Variants in GPC6 observed in about 807,000 individuals in gnomAD.
The protein encoded by GPC6 is glypican-6.
A neutral mutation model predicts 55.2 loss-of-function variants in GPC6; 14 were observed. That is an observed-to-expected ratio of 0.25 (90% CI 0.17 to 0.40). The LOEUF is 0.40. Among genes scored for constraint, GPC6 ranks in the 10% least tolerant of loss-of-function variants. GPC6 has a pLI of 1.00. For synonymous variants in GPC6, 278 were observed against 259.6 expected (o/e 1.07, Z -0.68); for missense variants, 641 against 708.5 (o/e 0.90, Z 1.08).
intron 2 of GPC6, among the ~76,000 whole-genome samples, chr13:93,545,801 A>G (rs1372941575): frequency 6.6e-6 from 1 of 152,196 alleles, no homozygotes; most frequent in Admixed American, 6.5e-5. Flanking sequence ...TTGAAATATA[A>G]CATCACATTT....
intron 1 of GPC6, among the ~76,000 whole-genome samples, chr13:93,333,013 A>T (rs937316143): frequency 5.9e-5 from 9 of 152,226 alleles, no homozygotes; most frequent in African/African-American, 1.9e-4. Flanking sequence ...TTGGCTGTAA[A>T]TGTGTGGATT....
chr13:93,365,011 T>C (rs534264073), intron 1 of GPC6, among the ~76,000 whole-genome samples: 98 of 152,204 alleles, frequency 6.4e-4, no homozygotes, highest in African/African-American at 2.4e-3. Flanking sequence ...CATGTTCTTC[T>C]TTTTCTACAT....
intron 2 of GPC6, among the ~76,000 whole-genome samples, chr13:93,687,261 C>T: frequency 6.6e-6 from 1 of 152,122 alleles, no homozygotes; most frequent in East Asian, 1.9e-4. Context: ...CTGTCCCCCT[C>T]ATCTCTGAAG....
intron 5 of GPC6, among the ~76,000 whole-genome samples, chr13:94,292,936 A>G (rs1475697564): frequency 1.3e-5 from 2 of 152,240 alleles, no homozygotes; most frequent in Non-Finnish European, 2.9e-5. Flanking sequence ...TCCAAAAAAT[A>G]TATTGGCTAT....
intron 1 of GPC6, among the ~76,000 whole-genome samples, chr13:93,304,898 G>T (rs992907955): frequency 2.0e-5 from 3 of 152,132 alleles, no homozygotes; most frequent in African/African-American, 4.8e-5. Context: ...AGTATGTTTG[G>T]CTTTCTCTGT....
chr13:94,060,889 A>G (rs1884298539), intron 4 of GPC6, among the ~76,000 whole-genome samples: 2 of 152,180 alleles, frequency 1.3e-5, no homozygotes, highest in South Asian at 2.1e-4. Context: ...GTGCTGTTGA[A>G]AGTAATTGTA....
At chr13:93,694,122 C>T (rs1033874673) in intron 2 of GPC6, among the ~76,000 whole-genome samples, 7 of 152,168 alleles carry the variant, frequency 4.6e-5, no homozygotes, top group African/African-American at 1.4e-4. Context: ...CTCTCTCCCC[C>T]TCTCTTGCTC....
At chr13:94,128,336 G>C (rs1195158969) in intron 4 of GPC6, among the ~76,000 whole-genome samples, 2 of 152,090 alleles carry the variant, frequency 1.3e-5, no homozygotes, top group Non-Finnish European at 2.9e-5. Context: ...TTGTAGTTGT[G>C]TACTTTTTAA....
At chr13:94,225,811 G>A (rs770813037) in intron 4 of GPC6, among the ~76,000 whole-genome samples, 30 of 151,942 alleles carry the variant, frequency 2.0e-4, no homozygotes, top group South Asian at 4.1e-4. Flanking sequence ...CCAATGCATC[G>A]TTCAGTATTC....
At chr13:93,421,856 G>T (rs752356974) in intron 1 of GPC6, among the ~76,000 whole-genome samples, 96 of 152,182 alleles carry the variant, frequency 6.3e-4, no homozygotes, top group Non-Finnish European at 2.4e-4. Context: ...TAAAGTGGAT[G>T]CTAAGTGGAG....
chr13:94,104,974 T>C (rs1182167081), intron 4 of GPC6, among the ~76,000 whole-genome samples: 1 of 152,032 alleles, frequency 6.6e-6, no homozygotes, highest in African/African-American at 2.4e-5. Flanking sequence ...TACTTTAAAG[T>C]TCATATGGAA....
At chr13:93,373,498 C>T (rs1343071813) in intron 1 of GPC6, among the ~76,000 whole-genome samples, 1 of 152,006 alleles carries the variant, frequency 6.6e-6, no homozygotes, top group Admixed American at 6.6e-5. Flanking sequence ...ACAAGCAAAC[C>T]AAGAAAGTAT....
chr13:94,225,933 A>G (rs896492987), intron 4 of GPC6, among the ~76,000 whole-genome samples: 1 of 152,214 alleles, frequency 6.6e-6, no homozygotes, highest in South Asian at 2.1e-4. Context: ...CTGGCCTTAC[A>G]TACATTCTGT....
chr13:93,602,354 T>G (rs1474001400), intron 2 of GPC6, among the ~76,000 whole-genome samples: 4 of 152,198 alleles, frequency 2.6e-5, no homozygotes, highest in African/African-American at 9.7e-5. Flanking sequence ...TTTTCTGAAC[T>G]TTCATGAAAT....
At chr13:93,904,031 A>C (rs1182932371) in intron 3 of GPC6, among the ~76,000 whole-genome samples, 1 of 152,068 alleles carries the variant, frequency 6.6e-6, no homozygotes, top group Non-Finnish European at 1.5e-5. Flanking sequence ...ACAGTTTTTC[A>C]GGGTTGTCCA....
At chr13:93,966,417 G>A (rs567499172) in intron 3 of GPC6, among the ~76,000 whole-genome samples, 70 of 152,192 alleles carry the variant, frequency 4.6e-4, no homozygotes, top group Middle Eastern at 3.4e-3. Flanking sequence ...CTTCATATGG[G>A]CTACCAGACC....
intron 1 of GPC6, among the ~76,000 whole-genome samples, chr13:93,542,516 T>C (rs1337834978): frequency 6.6e-6 from 1 of 152,220 alleles, no homozygotes; most frequent in Non-Finnish European, 1.5e-5. Flanking sequence ...GGCTCCTTTT[T>C]GGTTCCATAT....
At chr13:93,455,776 C>T (rs1344304323) in intron 1 of GPC6, among the ~76,000 whole-genome samples, 2 of 152,058 alleles carry the variant, frequency 1.3e-5, no homozygotes, top group Admixed American at 1.3e-4. Context: ...TCCATTCATC[C>T]TGTTAGTCTG....
rs567878339 is a variant in GPC6 at position 93,898,226 on chromosome 13, C to T, written c.711+67681C>T. Among the ~76,000 whole-genome samples, 3 of 152,164 alleles carry T rather than the reference C, an allele frequency of 2.0e-5. No individual in the cohort carries two copies. The East Asian group carries it at 5.8e-4, about 29-fold the overall frequency. On this transcript the variant is annotated intron_variant, in intron 3 of 8. Transcript: ENST00000377047. ...AGTTCAGAGTGTCCATTTATTCATTCGGCCATCACTGGCCTTATTGGTCAC... is the reference window on the plus strand; with the variant it reads ...AGTTCAGAGTGTCCATTTATTCATTTGGCCATCACTGGCCTTATTGGTCAC...
Sources: gnomAD v4.1 joint callset for allele counts (sites outside exome capture counted in the v4.1 genomes callset) on GRCh38, gnomAD v4.1.1 for gene constraint, MANE v1.5 for transcripts, NCBI Gene and HGNC (gene_info 2026-07-23, HGNC 2026-07-21) for gene names.